Variants in SYT1 observed in about 807,000 individuals in gnomAD.
SYT1 encodes the protein synaptotagmin-1.
In SYT1, 8 loss-of-function variants were observed where a neutral mutation model predicts 44.8. That is an observed-to-expected ratio of 0.18 (90% CI 0.10 to 0.32). SYT1 has a LOEUF of 0.32. Among genes scored for constraint, SYT1 ranks in the 10% least tolerant of loss-of-function variants. SYT1 has a pLI of 1.00. For missense variants in SYT1, 286 were observed against 509.3 expected (o/e 0.56, Z 4.22); for synonymous variants, 154 against 188.8 (o/e 0.82, Z 1.51).
At chr12:79,018,237 C>T (rs966872883) in intron 2 of SYT1, among the ~76,000 whole-genome samples, 48 of 150,860 alleles carry the variant, frequency 3.2e-4, no homozygotes, top group African/African-American at 1.1e-3. Flanking sequence ...AGCAAACTAT[C>T]GCAAGGACAA....
intron 4 of SYT1, among the ~76,000 whole-genome samples, chr12:79,226,663 C>T (rs1875538573): frequency 6.6e-6 from 1 of 151,986 alleles, no homozygotes; most frequent in Non-Finnish European, 1.5e-5. Flanking sequence ...GAAAACACTG[C>T]ATCATAAATA....
At chr12:79,065,150 A>C (rs1875743573) in intron 3 of SYT1, among the ~76,000 whole-genome samples, 1 of 152,132 alleles carries the variant, frequency 6.6e-6, no homozygotes, top group Non-Finnish European at 1.5e-5. Context: ...AGGTGGGTGA[A>C]TCGCTTCAGC....
At position 78,950,863 on chromosome 12, in the gene SYT1, T is replaced by G. The variant is rs866771568; in HGVS notation, c.-216-26936T>G. Among the ~76,000 whole-genome samples, 8 of 152,242 alleles carry G rather than the reference T, an allele frequency of 5.3e-5. 1 individual carries two copies. The highest frequency in any genetic ancestry group is 1.7e-4 in the African/African-American group (7 of 41,574). On this transcript the variant is annotated intron_variant, in intron 1 of 10. Coordinates refer to ENST00000261205, the MANE Select transcript of SYT1 (RefSeq NM_005639.3). ...CATCCTTAACAGGAAACCTGGCTGT[T>G]CAGACAAAAATGGAGTTGCCATAGT...
chr12:78,874,336 T>C lies in SYT1; in HGVS notation c.-217+9227T>C, dbSNP rs1309579330. Among the ~76,000 whole-genome samples, 4 of 151,636 alleles carry C rather than the reference T, an allele frequency of 2.6e-5. No homozygotes were observed. The East Asian group carries it at 7.8e-4, about 29-fold the overall frequency. On this transcript the variant is annotated intron_variant, in intron 1 of 10. Coordinates refer to ENST00000261205, the MANE Select transcript of SYT1 (RefSeq NM_005639.3). Reference sequence around the variant, plus strand: ...AATGTCAGAAGAAGAGAATAGATGGTGGCAAAGAGGTAGAGGTACCCAAAA... The same window carrying C: ...AATGTCAGAAGAAGAGAATAGATGGCGGCAAAGAGGTAGAGGTACCCAAAA...
At chr12:79,093,545 T>C (rs1877921284) in intron 3 of SYT1, among the ~76,000 whole-genome samples, 4 of 151,744 alleles carry the variant, frequency 2.6e-5, no homozygotes, top group African/African-American at 9.7e-5. Context: ...CTTTTTCTAT[T>C]AAAGCTCATT....
intron 9 of SYT1, among the ~76,000 whole-genome samples, chr12:79,376,343 C>A (rs1242084064): frequency 2.0e-5 from 3 of 152,192 alleles, no homozygotes; most frequent in Admixed American, 2.0e-4. Context: ...ATATGCTGAA[C>A]AAAGGGTGGA....
At chr12:79,065,925 T>G (rs1033077107) in intron 3 of SYT1, among the ~76,000 whole-genome samples, 1 of 152,056 alleles carries the variant, frequency 6.6e-6, no homozygotes. Context: ...GGAAAGTTAG[T>G]GCCCTAGATA....
chr12:79,408,735 T>A (rs1185495543), intron 9 of SYT1, among the ~76,000 whole-genome samples: 1 of 151,776 alleles, frequency 6.6e-6, no homozygotes, highest in Non-Finnish European at 1.5e-5. Flanking sequence ...CTTTCTTTTT[T>A]TTTTTTTTCC....
intron 1 of SYT1, among the ~76,000 whole-genome samples, chr12:78,945,367 A>G (rs1031578146): frequency 2.6e-5 from 4 of 151,846 alleles, no homozygotes; most frequent in African/African-American, 4.8e-5. Flanking sequence ...AAAGCTATGC[A>G]CACATATATA....
chr12:78,904,408 C>T (rs1392507096), intron 1 of SYT1, among the ~76,000 whole-genome samples: 2 of 152,098 alleles, frequency 1.3e-5, no homozygotes, highest in East Asian at 1.9e-4. Flanking sequence ...TCAATGAGCA[C>T]CTACTCTGGA....
intron 3 of SYT1, among the ~76,000 whole-genome samples, chr12:79,156,883 G>A (rs985493362): frequency 6.6e-6 from 1 of 152,122 alleles, no homozygotes; most frequent in Non-Finnish European, 1.5e-5. Flanking sequence ...CCTACTTGGC[G>A]AGCATGACTG....
Position 79,044,121 on chromosome 12 carries a change from C to T in SYT1, c.-83-3176C>T, listed in dbSNP as rs1371782821. Among the ~76,000 whole-genome samples, 6 of 151,638 alleles carry T rather than the reference C, an allele frequency of 4.0e-5. No homozygotes were observed. The East Asian group carries it at 5.8e-4, about 15-fold the overall frequency. On this transcript the variant is annotated intron_variant, in intron 2 of 10. Coordinates refer to ENST00000261205, the MANE Select transcript of SYT1 (RefSeq NM_005639.3). Reference sequence around the variant, plus strand: ...TTATGTGTCTTGGAGTTGCTCTTCTCGAGGAGTATCTTTGTGGCATTCTCT... The same window carrying T: ...TTATGTGTCTTGGAGTTGCTCTTCTTGAGGAGTATCTTTGTGGCATTCTCT...
chr12:79,262,985 G>C (rs1465923980), intron 4 of SYT1, among the ~76,000 whole-genome samples: 1 of 152,164 alleles, frequency 6.6e-6, no homozygotes, highest in East Asian at 1.9e-4. Context: ...GCAAAGCTTG[G>C]AGCACAGGGT....
At chr12:79,392,235 C>G (rs1393217658) in intron 9 of SYT1, 1 of 152,042 alleles carries the variant, frequency 6.6e-6, no homozygotes, top group African/African-American at 2.4e-5. Context: ...TGAAAGCAAA[C>G]AAATAACTAT....
At chr12:78,958,860 TTTAGAGGGC>T (rs1315086161) in intron 1 of SYT1, among the ~76,000 whole-genome samples, 2 of 152,164 alleles carry the variant, frequency 1.3e-5, no homozygotes, top group Non-Finnish European at 2.9e-5. Flanking sequence ...GAGAAAAATA[TTTAGAGGGC>T]TTACAAGTCT....
chr12:79,049,486 C>T (rs2137779870), intron 3 of SYT1, among the ~76,000 whole-genome samples: 1 of 151,842 alleles, frequency 6.6e-6, no homozygotes, highest in South Asian at 2.1e-4. Flanking sequence ...TCTTATTATA[C>T]TGTAATAAAA....
chr12:79,257,580 C>A (rs907611192), intron 4 of SYT1, among the ~76,000 whole-genome samples: 1 of 152,082 alleles, frequency 6.6e-6, no homozygotes, highest in Non-Finnish European at 1.5e-5. Flanking sequence ...CTCCGCCTCC[C>A]GGGTTCACGC....
intron 1 of SYT1, among the ~76,000 whole-genome samples, chr12:78,873,301 C>A (rs556422910): frequency 6.6e-6 from 1 of 151,698 alleles, no homozygotes; most frequent in African/African-American, 2.4e-5. Flanking sequence ...AACTAGTTTG[C>A]TTTTGCTTAT....
At chr12:79,065,542 A>T (rs1875780308) in intron 3 of SYT1, among the ~76,000 whole-genome samples, 1 of 152,220 alleles carries the variant, frequency 6.6e-6, no homozygotes, top group Admixed American at 6.5e-5. Flanking sequence ...CTACTGAAAA[A>T]TAATCTATCC....
Sources: gnomAD v4.1 joint callset for allele counts (sites outside exome capture counted in the v4.1 genomes callset) on GRCh38, gnomAD v4.1.1 for gene constraint, MANE v1.5 for transcripts, NCBI Gene and HGNC (gene_info 2026-07-23, HGNC 2026-07-21) for gene names.